The following RGS6 variants were observed in gnomAD, a reference collection of about 807,000 sequenced individuals.
The protein encoded by RGS6 is regulator of G-protein signaling 6.
In RGS6, 30 loss-of-function variants were observed where a neutral mutation model predicts 78.5. The ratio of observed to expected loss-of-function variants is 0.38; its 90% CI spans 0.29 to 0.52. The LOEUF is 0.52. RGS6 is among the 20% of genes least tolerant of loss of function. The pLI is 0.85. For synonymous variants in RGS6, 206 were observed against 206.0 expected (o/e 1.00, Z 0.00); for missense variants, 495 against 609.7 (o/e 0.81, Z 1.98).
Position 72,386,889 on chromosome 14 carries a change from T to C in RGS6, c.184+34695T>C, listed in dbSNP as rs576716325. Reference sequence around the variant, plus strand: ...ACTATGTTGACAGAAAACAGATCAATGATTTCCTGGGGTGCTGGGGGTAGC... The same window carrying C: ...ACTATGTTGACAGAAAACAGATCAACGATTTCCTGGGGTGCTGGGGGTAGC... On this transcript the variant is annotated intron_variant, in intron 3 of 17. Transcript: ENST00000553525. Among the ~76,000 whole-genome samples, 102 of 152,264 alleles carry C rather than the reference T, an allele frequency of 6.7e-4. 1 individual carries two copies. In the Middle Eastern group the frequency reaches 0.01, roughly 15 times the overall value.
At chr14:71,936,033 T>TGTAC (rs1185588238) in intron 1 of RGS6, among the ~76,000 whole-genome samples, 7,961 of 139,678 alleles carry the variant, frequency 0.057, 451 homozygotes, top group East Asian at 0.18. Context: ...TATATATATA[T>TGTAC]ATATATATGT....
intron 2 of RGS6, among the ~76,000 whole-genome samples, chr14:72,194,064 G>A (rs2039413697): frequency 6.6e-6 from 1 of 152,186 alleles, no homozygotes; most frequent in Non-Finnish European, 1.5e-5. Flanking sequence ...GAGATCAGGT[G>A]AGAGGCTCCT....
chr14:72,324,752 T>A (rs930830332), intron 2 of RGS6, among the ~76,000 whole-genome samples: 1 of 152,096 alleles, frequency 6.6e-6, no homozygotes, highest in African/African-American at 2.4e-5. Context: ...ATCCAGTCTA[T>A]CATGGATGGA....
At chr14:71,881,736 T>C in the RGS6 span, among the ~76,000 whole-genome samples, 1 of 152,216 alleles carries the variant, frequency 6.6e-6, no homozygotes, top group Non-Finnish European at 1.5e-5. Context: ...AGTGTGAGAA[T>C]GGACTAATAC....
intron 7 of RGS6, among the ~76,000 whole-genome samples, chr14:72,467,240 C>A (rs990965902): frequency 1.3e-5 from 2 of 152,262 alleles, no homozygotes; most frequent in African/African-American, 4.8e-5. Flanking sequence ...ACTTCCCTCT[C>A]CCTATATGTC....
intron 3 of RGS6, among the ~76,000 whole-genome samples, chr14:72,369,801 A>T (rs2083110338): frequency 6.6e-6 from 1 of 152,206 alleles, no homozygotes; most frequent in Non-Finnish European, 1.5e-5. Context: ...AACTAATCAT[A>T]TTATTTCCAC....
At chr14:72,259,469 C>T (rs10131012) in intron 2 of RGS6, among the ~76,000 whole-genome samples, 85,771 of 152,000 alleles carry the variant, frequency 0.56, 24,671 homozygotes, top group African/African-American at 0.67. Context: ...CAGCAGTACG[C>T]TTCATAAGGC....
chr14:72,063,991 G>A (rs1438275574), intron 2 of RGS6, among the ~76,000 whole-genome samples: 1 of 152,062 alleles, frequency 6.6e-6, no homozygotes, highest in African/African-American at 2.4e-5. Context: ...ATCAGCCAGT[G>A]TAGTTCTTTG....
chr14:71,995,562 C>T (rs1217926596), intron 2 of RGS6, among the ~76,000 whole-genome samples: 3 of 152,172 alleles, frequency 2.0e-5, no homozygotes, highest in African/African-American at 4.8e-5. Context: ...CCTGTGCTTC[C>T]GTTTCCCAGT....
At chr14:71,978,969 A>G (rs907373544) in intron 2 of RGS6, among the ~76,000 whole-genome samples, 3 of 147,148 alleles carry the variant, frequency 2.0e-5, no homozygotes, top group African/African-American at 5.0e-5. Flanking sequence ...CAGAGATTCA[A>G]CTTCTTCCTG....
At chr14:72,013,211 C>T (rs999686094) in intron 2 of RGS6, among the ~76,000 whole-genome samples, 1 of 133,190 alleles carries the variant, frequency 7.5e-6, no homozygotes, top group African/African-American at 2.9e-5. Context: ...GTGGGGGTTG[C>T]AGTGAGCCAA....
chr14:72,562,871 G>A lies in RGS6; in HGVS notation c.*404G>A. On this transcript the variant is annotated 3_prime_UTR_variant, in exon 18 of 18. Transcript: ENST00000553525. ...CGGTCACACCTTCTGGCAAATTCAAGAGGCATGAGTGGACCGAGAGCACAT... is the reference window on the plus strand; with the variant it reads ...CGGTCACACCTTCTGGCAAATTCAAAAGGCATGAGTGGACCGAGAGCACAT... 1.1e-6 allele frequency: 1 copy of A among 950,408 alleles called. No individual in the cohort carries two copies. Among genetic ancestry groups the A allele is most frequent in the Non-Finnish European group, 1.6e-6 (1 of 614,146 alleles). 58.9% of individuals were successfully genotyped at this position (950,408 alleles called of 1,614,324 possible).
intron 1 of RGS6, among the ~76,000 whole-genome samples, chr14:71,945,504 T>C (rs895929739): frequency 6.6e-6 from 1 of 152,226 alleles, no homozygotes; most frequent in African/African-American, 2.4e-5. Context: ...CAAGTTGTAA[T>C]TTTTACAAAT....
chr14:71,941,793 G>A (rs2090613431), intron 1 of RGS6, among the ~76,000 whole-genome samples: 1 of 152,110 alleles, frequency 6.6e-6, no homozygotes, highest in Non-Finnish European at 1.5e-5. Context: ...AATCTCTTTT[G>A]GGCAACACCC....
the RGS6 span, among the ~76,000 whole-genome samples, chr14:71,896,452 A>C: frequency 6.6e-6 from 1 of 151,890 alleles, no homozygotes; most frequent in Non-Finnish European, 1.5e-5. Context: ...ACCCGAAGTC[A>C]CTCTCGTCAC....
intron 10 of RGS6, among the ~76,000 whole-genome samples, chr14:72,475,064 G>A (rs1316609079): frequency 6.6e-6 from 1 of 152,168 alleles, no homozygotes; most frequent in Non-Finnish European, 1.5e-5. Context: ...AAGAGGGTCA[G>A]GTGTTCTGAA....
chr14:72,033,440 G>T (rs1035852657), intron 2 of RGS6, among the ~76,000 whole-genome samples: 6 of 151,936 alleles, frequency 3.9e-5, no homozygotes, highest in African/African-American at 1.5e-4. Flanking sequence ...TCACTATGTT[G>T]CCCCAGCTGG....
rs187810881 is a variant in RGS6 at position 72,366,766 on chromosome 14, G to A, written c.184+14572G>A. On this transcript the variant is annotated intron_variant, in intron 3 of 17. Transcript: ENST00000553525. ...AGTCTTCGGAGTTTCCAACCTCAGC[G>A]TGCCAGCTCTATCCACGCCCCACCT... Among the ~76,000 whole-genome samples, 188 of 152,224 alleles carry A rather than the reference G, an allele frequency of 1.2e-3. 2 individuals carry two copies. The highest frequency in any genetic ancestry group is 8.3e-3 in the South Asian group (40 of 4,820).
At chr14:72,346,233 A>AC (rs1380460903) in intron 2 of RGS6, among the ~76,000 whole-genome samples, 1 of 152,246 alleles carries the variant, frequency 6.6e-6, no homozygotes, top group Non-Finnish European at 1.5e-5. Flanking sequence ...TAAGTTTTTA[A>AC]CATCTCCACT....
Sources: gnomAD v4.1 joint callset for allele counts (sites outside exome capture counted in the v4.1 genomes callset) on GRCh38, gnomAD v4.1.1 for gene constraint, MANE v1.5 for transcripts, NCBI Gene and HGNC (gene_info 2026-07-23, HGNC 2026-07-21) for gene names.